Variants in CTNND2 observed in about 807,000 individuals in gnomAD.
CTNND2 encodes catenin delta 2, also known as catenin delta-2.
CTNND2 carries 22 observed loss-of-function variants against 144.4 expected under a neutral mutation model. The observed-to-expected ratio is 0.15, with a 90% CI of 0.11 to 0.22. The LOEUF (loss-of-function observed/expected upper bound fraction) is 0.22, where lower values mean the gene tolerates loss of function less well. Among genes scored for constraint, CTNND2 ranks in the 10% least tolerant of loss-of-function variants. The pLI is 1.00. For missense variants in CTNND2, 1,353 were observed against 1,618.8 expected (o/e 0.84, Z 2.82); for synonymous variants, 751 against 695.6 (o/e 1.08, Z -1.25).
intron 9 of CTNND2, among the ~76,000 whole-genome samples, chr5:11,312,241 T>C (rs1580872871): frequency 8.6e-6 from 1 of 116,356 alleles, no homozygotes. Context: ...CACCCCACAC[T>C]CACACACACT....
rs1738819354 is a variant in CTNND2 at position 10,992,600 on chromosome 5, G to C, written c.3162C>G (p.Ser1054=). Residue 1054 remains serine (S), a synonymous_variant, in exon 19 of 22, where the codon TCC becomes TCG. Coordinates refer to ENST00000304623, the MANE Select transcript of CTNND2 (RefSeq NM_001332.4). The part of the protein sequence containing the change: ...ERDRQRPYSS[S]RTPSISPVRV... The stretch of plus-strand genomic sequence containing the variant: ...GCACAGGGGAGATGGAGGGCGTGCG[G>C]GAGGAGGAGTAGGGCCTTTGCCGGT... 3 of 1,614,144 alleles carry C rather than the reference G, an allele frequency of 1.9e-6. No individual in the cohort carries two copies. The highest frequency in any genetic ancestry group is 2.5e-6 in the Non-Finnish European group (3 of 1,180,020).
At chr5:11,287,382 C>A (rs1455328631) in intron 9 of CTNND2, among the ~76,000 whole-genome samples, 1 of 152,202 alleles carries the variant, frequency 6.6e-6, no homozygotes, top group Non-Finnish European at 1.5e-5. Context: ...CCCTGCTGAC[C>A]TACCCTGCAG....
intron 9 of CTNND2, among the ~76,000 whole-genome samples, chr5:11,297,105 A>C (rs929314733): frequency 3.3e-5 from 5 of 152,236 alleles, no homozygotes; most frequent in Non-Finnish European, 7.3e-5. Flanking sequence ...GATCTGCAAG[A>C]AAGTCAGCCC....
Position 11,323,632 on chromosome 5 carries a change from T to G in CTNND2, c.1628+22740A>C, listed in dbSNP as rs139389699. 4.8e-3 allele frequency among the ~76,000 whole-genome samples: 736 copies of G among 152,322 alleles called. 2 individuals are homozygous for G. The highest frequency in any genetic ancestry group is 6.5e-3 in the Admixed American group (100 of 15,304). Reference sequence around the variant, plus strand: ...AGGGGTCTCTGTTGATGGGATATAATGAGTTCTCTTTTAGACATGTTGGGT... The same window carrying G: ...AGGGGTCTCTGTTGATGGGATATAAGGAGTTCTCTTTTAGACATGTTGGGT... On this transcript the variant is annotated intron_variant, in intron 9 of 21. Transcript: ENST00000304623.
chr5:11,615,618 G>T (rs74657330), intron 2 of CTNND2, among the ~76,000 whole-genome samples: 2,264 of 152,194 alleles, frequency 0.015, 59 homozygotes, highest in African/African-American at 0.048. Context: ...AACCAGAGAA[G>T]TTAACAAATA....
intron 3 of CTNND2, among the ~76,000 whole-genome samples, chr5:11,522,116 A>C (rs1449658609): frequency 1.3e-5 from 2 of 152,232 alleles, no homozygotes; most frequent in African/African-American, 4.8e-5. Flanking sequence ...TTAAATTCAT[A>C]AACATTAAAT....
At chr5:11,857,661 C>T (rs1795314554) in intron 1 of CTNND2, among the ~76,000 whole-genome samples, 1 of 152,046 alleles carries the variant, frequency 6.6e-6, no homozygotes, top group African/African-American at 2.4e-5. Flanking sequence ...TACGGGTTAA[C>T]CTAGTTAGTG....
intron 9 of CTNND2, among the ~76,000 whole-genome samples, chr5:11,294,967 G>A (rs1401456117): frequency 6.6e-6 from 1 of 152,168 alleles, no homozygotes. Context: ...ACATAGTGTT[G>A]GAAGTTCTGG....
intron 11 of CTNND2, among the ~76,000 whole-genome samples, chr5:11,167,667 A>G (rs1383752121): frequency 2.0e-5 from 3 of 151,914 alleles, no homozygotes; most frequent in Non-Finnish European, 4.4e-5. Flanking sequence ...ATAAACATTT[A>G]GATGGCAAGA....
chr5:11,334,746 T>C (rs1753565717), intron 9 of CTNND2, among the ~76,000 whole-genome samples: 1 of 152,166 alleles, frequency 6.6e-6, no homozygotes, highest in African/African-American at 2.4e-5. Context: ...CTTTGGGGGT[T>C]TCTTGCAAAT....
intron 3 of CTNND2, among the ~76,000 whole-genome samples, chr5:11,555,976 G>A (rs1023416113): frequency 1.3e-5 from 2 of 152,108 alleles, no homozygotes; most frequent in Non-Finnish European, 2.9e-5. Flanking sequence ...AATGACTACT[G>A]CAATGTTAAT....
intron 9 of CTNND2, among the ~76,000 whole-genome samples, chr5:11,343,262 G>A (rs1009400625): frequency 3.9e-5 from 6 of 152,092 alleles, no homozygotes; most frequent in Non-Finnish European, 5.9e-5. Flanking sequence ...ATGATGAAGT[G>A]GAACTGCCAT....
intron 1 of CTNND2, among the ~76,000 whole-genome samples, chr5:11,808,854 G>C (rs1792154112): frequency 6.6e-6 from 1 of 152,144 alleles, no homozygotes; most frequent in African/African-American, 2.4e-5. Flanking sequence ...TATCTGAAAA[G>C]ATATTGAAAG....
chr5:11,327,731 CT>C (rs1752675150), intron 9 of CTNND2, among the ~76,000 whole-genome samples: 1 of 152,080 alleles, frequency 6.6e-6, no homozygotes, highest in South Asian at 2.1e-4. Flanking sequence ...AGAGATGTTT[CT>C]GATGATAAAA....
intron 9 of CTNND2, among the ~76,000 whole-genome samples, chr5:11,269,788 C>G (rs775025783): frequency 2.6e-5 from 4 of 152,238 alleles, no homozygotes; most frequent in East Asian, 1.9e-4. Context: ...ATCCCTCCCC[C>G]CTCAGAATAT....
chr5:11,673,996 G>A (rs965648484), intron 2 of CTNND2, among the ~76,000 whole-genome samples: 7 of 152,112 alleles, frequency 4.6e-5, no homozygotes, highest in Non-Finnish European at 5.9e-5. Flanking sequence ...ATATGAAGCC[G>A]AATTTATTCA....
chr5:11,697,794 G>C (rs1302762256), intron 2 of CTNND2, among the ~76,000 whole-genome samples: 1 of 152,186 alleles, frequency 6.6e-6, no homozygotes, highest in Non-Finnish European at 1.5e-5. Flanking sequence ...CAGTCACTTA[G>C]GCGGGCAGTC....
At chr5:11,479,112 C>G (rs908852930) in intron 3 of CTNND2, among the ~76,000 whole-genome samples, 3 of 152,074 alleles carry the variant, frequency 2.0e-5, no homozygotes, top group African/African-American at 7.2e-5. Flanking sequence ...AAGACCTGTA[C>G]CTATTACTTA....
chr5:11,562,800 A>C (rs1044660890), intron 3 of CTNND2, among the ~76,000 whole-genome samples: 2 of 152,268 alleles, frequency 1.3e-5, no homozygotes, highest in Non-Finnish European at 2.9e-5. Context: ...AATCAACTTG[A>C]GATGAATCAA....
Sources: gnomAD v4.1 joint callset for allele counts (sites outside exome capture counted in the v4.1 genomes callset) on GRCh38, gnomAD v4.1.1 for gene constraint, MANE v1.5 for transcripts, NCBI Gene and HGNC (gene_info 2026-07-23, HGNC 2026-07-21) for gene names.